Variants in FBN2 observed in about 807,000 individuals in gnomAD.
The protein encoded by FBN2 is fibrillin-2.
Under a neutral mutation model 355.6 loss-of-function variants are expected in FBN2, and 105 were observed. The ratio of observed to expected loss-of-function variants is 0.30; its 90% confidence interval spans 0.25 to 0.35. The LOEUF (loss-of-function observed/expected upper bound fraction) is 0.35, where lower values mean the gene tolerates loss of function less well. FBN2 is among the 10% of genes least tolerant of loss of function. The pLI is 1.00. For missense variants in FBN2, 3,280 were observed against 3,758.7 expected (o/e 0.87, Z 3.33); for synonymous variants, 1,350 against 1,301.2 (o/e 1.04, Z -0.81).
rs771006424 is a variant in FBN2 at position 128,287,323 on chromosome 5, G to C, written c.6865C>G (p.Gln2289Glu). ...GAGGCCTTACCTTTGCACATCTTTT[G>C]ATCTTCCCTGAGGGCATAGCCAATC... ...CPIGYALRED[Q>E]KMCKDLDECA... The change falls in exon 54 of 65, where the codon CAA becomes GAA. Residue 2289 changes from glutamine to glutamate, a missense_variant. Around this residue, in one of 6 missense-constraint regions of FBN2, gnomAD observed 2,284 missense variants for 2,749.5 expected, o/e 0.83. Transcript: ENST00000262464. 6.2e-7 allele frequency: 1 copy of C among 1,613,910 alleles called. No homozygotes were observed. The highest frequency in any genetic ancestry group is 1.1e-5 in the South Asian group (1 of 91,044).
At position 128,334,856 on chromosome 5, in the gene FBN2, A is replaced by G. The variant is rs1328132019; in HGVS notation, c.3974-12T>C. The G allele has an allele frequency of 3.1e-6, 5 of 1,604,142 alleles. No individual in the cohort carries two copies. Among genetic ancestry groups the G allele is most frequent in the African/African-American group, 1.3e-5 (1 of 74,716 alleles). The stretch of plus-strand genomic sequence containing the variant: ...ACATTCATTGACATCTAGAAAATTT[A>G]TTTTCAATATCTTAGTATGTGCTCA... On this transcript the variant is annotated splice_polypyrimidine_tract_variant and intron_variant, in intron 30 of 64. Transcript: ENST00000262464.
At chr5:128,531,830 G>A (rs536068189) in intron 2 of FBN2, among the ~76,000 whole-genome samples, 17 of 151,358 alleles carry the variant, frequency 1.1e-4, no homozygotes, top group African/African-American at 4.1e-4. Flanking sequence ...GCTTATGTAT[G>A]GATTATTACT....
intron 13 of FBN2, among the ~76,000 whole-genome samples, chr5:128,377,107 T>A (rs1752099407): frequency 6.6e-6 from 1 of 152,146 alleles, no homozygotes; most frequent in Non-Finnish European, 1.5e-5. Context: ...ACATAAACCA[T>A]GAGTAGTGTT....
At chr5:128,309,940 G>A in intron 40 of FBN2, 43 bp downstream of exon 40, 4 of 1,606,308 alleles carry the variant, frequency 2.5e-6, no homozygotes, top group Non-Finnish European at 3.4e-6. Flanking sequence ...TATGTGTGAA[G>A]TCAACAACTG....
rs376488391 is a variant in FBN2, at chr5:128,524,056, G to T, written c.532+3816C>A. Among the ~76,000 whole-genome samples, 286 of 152,050 alleles carry T rather than the reference G, an allele frequency of 1.9e-3. 4 individuals carry two copies. The Middle Eastern group carries it at 0.024, about 13-fold the overall frequency. ...ATATTTAGGCTGTAGTCCAAATTTT[G>T]TTCCTTGGCCTACTACAAGGCCCTA... On this transcript the variant is annotated intron_variant, in intron 4 of 64. Coordinates refer to ENST00000262464, the MANE Select transcript of FBN2 (RefSeq NM_001999.4).
At chr5:128,522,092 A>G (rs1756448125) in intron 4 of FBN2, among the ~76,000 whole-genome samples, 1 of 152,220 alleles carries the variant, frequency 6.6e-6, no homozygotes, top group Non-Finnish European at 1.5e-5. Flanking sequence ...TATAAACAAA[A>G]GACATTTGAG....
At chr5:128,350,676 C>G (rs1006986755) in intron 21 of FBN2, among the ~76,000 whole-genome samples, 192 bp downstream of exon 21, 17 of 152,228 alleles carry the variant, frequency 1.1e-4, no homozygotes, top group African/African-American at 4.1e-4. Context: ...ATTTAGAAGG[C>G]CTGCTTATGT....
At position 128,303,079 on chromosome 5, in the gene FBN2, C is replaced by T. The variant is rs754666068; in HGVS notation, c.5811G>A (p.Glu1937=). The T allele has an allele frequency of 5.0e-6, 8 of 1,599,422 alleles. No individual in the cohort carries two copies. The Admixed American group carries it at 5.0e-5, about 10-fold the overall frequency. ...CATTTCCACATGGATGCCGCTCGCA[C>T]TCATCAACATCTATAAAGAAATATA... is the stretch of plus-strand genomic sequence containing the variant. The part of the protein sequence containing the change: ...QDQTMCMDVD[E]CERHPCGNGT... Residue 1937 remains glutamate, a synonymous_variant, in exon 46 of 65, where the codon GAG becomes GAA. Coordinates refer to ENST00000262464, the MANE Select transcript of FBN2 (RefSeq NM_001999.4).
intron 6 of FBN2, among the ~76,000 whole-genome samples, chr5:128,460,317 TAAA>T (rs1319403767): frequency 6.6e-6 from 1 of 152,048 alleles, no homozygotes; most frequent in African/African-American, 2.4e-5. Flanking sequence ...AAAGGCCTCT[TAAA>T]GAAGAACTAC....
chr5:128,355,653 T>C (rs957384402), intron 20 of FBN2, among the ~76,000 whole-genome samples: 8 of 152,240 alleles, frequency 5.3e-5, no homozygotes, highest in Admixed American at 1.3e-4. Context: ...TGACTTGTCC[T>C]GTGTATATTT....
intron 37 of FBN2, 47 bp from the exon 38 acceptor site, chr5:128,312,000 G>T: frequency 7.6e-7 from 1 of 1,322,956 alleles, no homozygotes. Flanking sequence ...GTGTCCAAGT[G>T]GCTGAGACAA....
chr5:128,372,692 A>G (rs1484013442), intron 15 of FBN2, among the ~76,000 whole-genome samples: 1 of 152,104 alleles, frequency 6.6e-6, no homozygotes, highest in Admixed American at 6.5e-5. Context: ...GGATTTCACC[A>G]TGGAGCCCAG....
intron 8 of FBN2, among the ~76,000 whole-genome samples, chr5:128,408,011 C>A: frequency 6.6e-6 from 1 of 152,040 alleles, no homozygotes; most frequent in Non-Finnish European, 1.5e-5. Flanking sequence ...CCTCTTTTTT[C>A]CTCTCTTTTT....
intron 16 of FBN2, among the ~76,000 whole-genome samples, chr5:128,368,074 C>T (rs1751821050): frequency 6.6e-6 from 1 of 151,974 alleles, no homozygotes; most frequent in Non-Finnish European, 1.5e-5. Context: ...TGAGGTCCTT[C>T]CCAGCTTCCC....
chr5:128,350,745 C>A, intron 21 of FBN2, 123 bp downstream of exon 21: 1 of 1,139,812 alleles, frequency 8.8e-7, no homozygotes, highest in Non-Finnish European at 1.3e-6. Context: ...GGAAAGATAA[C>A]ATTTTAGCAA....
intron 5 of FBN2, among the ~76,000 whole-genome samples, chr5:128,475,790 C>A (rs187087903): frequency 6.6e-6 from 1 of 152,278 alleles, no homozygotes; most frequent in East Asian, 1.9e-4. Context: ...AATAGGCTAG[C>A]ATTCGTTTTC....
At chr5:128,283,910 AC>A (rs956406260) in intron 55 of FBN2, among the ~76,000 whole-genome samples, 12 of 152,204 alleles carry the variant, frequency 7.9e-5, no homozygotes, top group Non-Finnish European at 1.6e-4. Context: ...TATCTTTTAT[AC>A]ATATTCAATC....
In FBN2 at chr5:128,374,700, T is replaced by G; in HGVS notation, c.2023A>C (p.Asn675His). Residue 675 changes from asparagine (N) to histidine (H), a missense_variant, in exon 15 of 65, where the codon AAC becomes CAC. Transcript: ENST00000262464. ...TCACAGCGGAAGGACCCTTCACTGTTGATGCAGTGCCCATTCATGCAGATT... is the reference window on the plus strand; with the variant it reads ...TCACAGCGGAAGGACCCTTCACTGTGGATGCAGTGCCCATTCATGCAGATT... ...PGICMNGHCINSEGSFRCDCP... is the reference protein window; with the variant it reads ...PGICMNGHCIHSEGSFRCDCP... 1 of 1,613,918 alleles carries G rather than the reference T, an allele frequency of 6.2e-7. No individual in the cohort carries two copies. The highest frequency in any genetic ancestry group is 8.5e-7 in the Non-Finnish European group (1 of 1,179,842).
At chr5:128,296,422 C>T (rs1749513330) in intron 48 of FBN2, among the ~76,000 whole-genome samples, 1 of 151,744 alleles carries the variant, frequency 6.6e-6, no homozygotes, top group Non-Finnish European at 1.5e-5. Context: ...GTACCAGTTC[C>T]TCCTTGTACC....
Sources: allele counts gnomAD v4.1 joint callset (sites outside exome capture counted in the v4.1 genomes callset), GRCh38; gene constraint gnomAD v4.1.1; regional missense constraint gnomAD v4.1.1; transcripts MANE v1.5; gene names NCBI Gene and HGNC (gene_info 2026-07-23, HGNC 2026-07-21).